PXDN: variants seen among roughly 807,000 people sequenced by gnomAD.
PXDN encodes the protein peroxidasin homolog.
In PXDN, 77 loss-of-function variants were observed where a neutral mutation model predicts 140.3. The observed-to-expected ratio is 0.55, with a 90% CI of 0.46 to 0.66. The LOEUF (loss-of-function observed/expected upper bound fraction) is 0.66. PXDN is among the 30% of genes least tolerant of loss of function. PXDN has a pLI of 0.00. For synonymous variants in PXDN, 911 were observed against 857.4 expected, an observed-to-expected ratio of 1.06 and a Z score of -1.09; for missense variants, 1,838 against 2,039.5, an observed-to-expected ratio of 0.90 and a Z score of 1.90.
chr2:1,696,365 C>T (rs747282593), intron 1 of PXDN, among the ~76,000 whole-genome samples: 1 of 151,896 alleles, frequency 6.6e-6, no homozygotes, highest in Admixed American at 6.6e-5. Context: ...AGGCAGAGCA[C>T]CAAAAAAGAC....
intron 1 of PXDN, among the ~76,000 whole-genome samples, chr2:1,719,455 C>A (rs1232432710): frequency 6.6e-6 from 1 of 152,196 alleles, no homozygotes; most frequent in Admixed American, 6.5e-5. Context: ...TAAGAGGGGA[C>A]ACTGGCCTTG....
chr2:1,733,152 C>G (rs1201699011), intron 1 of PXDN, among the ~76,000 whole-genome samples: 1 of 151,992 alleles, frequency 6.6e-6, no homozygotes, highest in Non-Finnish European at 1.5e-5. Context: ...AAGATGGGGA[C>G]AGAAAACATA....
chr2:1,715,261 G>A (rs978650661), intron 1 of PXDN, among the ~76,000 whole-genome samples: 5 of 152,198 alleles, frequency 3.3e-5, no homozygotes, highest in African/African-American at 7.2e-5. Context: ...GGAAAGAGCC[G>A]ACGGTCATCT....
At chr2:1,681,086 G>A (rs756839166) in intron 6 of PXDN, among the ~76,000 whole-genome samples, 1 of 152,152 alleles carries the variant, frequency 6.6e-6, no homozygotes, top group Non-Finnish European at 1.5e-5. Flanking sequence ...GGAAGAGGCT[G>A]GCAGCTGGAT....
chr2:1,715,151 C>T (rs1377750476), intron 1 of PXDN, among the ~76,000 whole-genome samples: 1 of 152,104 alleles, frequency 6.6e-6, no homozygotes, highest in African/African-American at 2.4e-5. Flanking sequence ...AAAACTTGGC[C>T]AGTTTTGCGT....
Position 1,649,092 on chromosome 2 carries a change from G to C in PXDN, c.2688C>G (p.Ser896=), listed in dbSNP as rs747948602. Residue 896 remains serine, a synonymous_variant, in exon 17 of 23, where the codon TCC becomes TCG. Transcript: ENST00000252804. This position sits in a 1 kb window ranked among gnomAD's most constrained non-coding sequence, Gnocchi z 7.1. ...GSGMTSLLMN[S]VYPREQINQL... ...GGTTGATCTGCTCCCGCGGGTACACGGAGTTCATGAGCAGCGAAGTCATGC... is the reference window on the plus strand; with the variant it reads ...GGTTGATCTGCTCCCGCGGGTACACCGAGTTCATGAGCAGCGAAGTCATGC... 6.2e-7 allele frequency: 1 copy of C among 1,612,748 alleles called. No individual in the cohort carries two copies. Among genetic ancestry groups the C allele is most frequent in the Non-Finnish European group, 8.5e-7 (1 of 1,179,850 alleles).
At position 1,744,417 on chromosome 2, in the gene PXDN, C is replaced by T; in HGVS notation, c.39G>A (p.Leu13=). 5.3e-6 allele frequency: 8 copies of T among 1,507,916 alleles called. No individual in the cohort carries two copies. Among genetic ancestry groups the T allele is most frequent in the Non-Finnish European group, 7.0e-6 (8 of 1,135,520 alleles). 93.4% of individuals were successfully genotyped at this position (1,507,916 alleles called of 1,614,324 possible). A position where few individuals can be genotyped will look rare whatever the true frequency, so the allele number is the denominator to read the frequency against. The change falls in exon 1 of 23, where the codon CTG becomes CTA. Residue 13 remains leucine, a synonymous_variant. Coordinates refer to ENST00000252804, the MANE Select transcript of PXDN (RefSeq NM_012293.3). ...KRSRGPGRRC[L]LALVLFCAWG... is the part of the protein sequence containing the mutation. Reference sequence around the variant, plus strand: ...AGGCGCAGAACAGCACGAGCGCCAACAGGCAGCGGCGCCCGGGGCCCCTGG... The same window carrying T: ...AGGCGCAGAACAGCACGAGCGCCAATAGGCAGCGGCGCCCGGGGCCCCTGG...
At chr2:1,663,869 C>G in intron 11 of PXDN, 106 bp from the exon 12 acceptor site, 1 of 1,451,100 alleles carries the variant, frequency 6.9e-7, no homozygotes, top group South Asian at 1.3e-5. Flanking sequence ...TGGGTCGGGG[C>G]GCCGGATAAT....
intron 7 of PXDN, among the ~76,000 whole-genome samples, chr2:1,678,014 T>C (rs1322893301): frequency 1.3e-5 from 2 of 152,168 alleles, no homozygotes; most frequent in East Asian, 3.9e-4. Flanking sequence ...AACTTGGGGC[T>C]GTCAGCAAGG....
chr2:1,687,679 C>A lies in PXDN; in HGVS notation c.369G>T (p.Gln123His), dbSNP rs775716240. ...CCTTAAATGCTTGCCTGTCAATTGA[C>A]TGGATCTCATTCTTGTACAGATAGC... Reference protein sequence around the residue: ...KYLYLYKNEIQSIDRQAFKGL... With the variant: ...KYLYLYKNEIHSIDRQAFKGL... The change falls in exon 4 of 23, where the codon CAG (glutamine) becomes CAT (histidine). Residue 123 changes from glutamine (Q) to histidine (H), a missense_variant. Physicochemically the swap from Gln to His is conservative, Grantham distance 24. Around this residue, in one of 5 missense-constraint regions of PXDN, gnomAD observed 231 missense variants for 201.5 expected, o/e 1.15. Coordinates refer to ENST00000252804, the MANE Select transcript of PXDN (RefSeq NM_012293.3). The surrounding 1 kb of genome is among the most constrained non-coding windows in gnomAD (Gnocchi z 4.0). 1 of 1,532,302 alleles carries A rather than the reference C, an allele frequency of 6.5e-7. No individual in the cohort carries two copies. The highest frequency in any genetic ancestry group is 1.7e-5 in the Admixed American group (1 of 59,254). The allele number at this position is 1,532,302 out of a possible 1,614,324, so 94.9% of individuals were successfully genotyped here. A position where few individuals can be genotyped will look rare whatever the true frequency, so the allele number is the denominator to read the frequency against.
intron 19 of PXDN, among the ~76,000 whole-genome samples, chr2:1,641,131 C>T (rs776801443): frequency 6.6e-5 from 10 of 152,318 alleles, no homozygotes; most frequent in South Asian, 4.1e-4. Context: ...AGCTCAAGGA[C>T]GTTCGCTTTA....
intron 1 of PXDN, among the ~76,000 whole-genome samples, chr2:1,693,416 G>A (rs557573747): frequency 1.3e-5 from 2 of 152,300 alleles, no homozygotes; most frequent in African/African-American, 2.4e-5. Context: ...GCAACCCACT[G>A]GAAAATGTCG....
At chr2:1,719,706 A>G (rs1217420019) in intron 1 of PXDN, among the ~76,000 whole-genome samples, 1 of 152,240 alleles carries the variant, frequency 6.6e-6, no homozygotes, top group Non-Finnish European at 1.5e-5. Context: ...GTCCTGGGTC[A>G]GGCGCCCACC....
At chr2:1,726,275 A>G (rs1228620389) in intron 1 of PXDN, among the ~76,000 whole-genome samples, 2 of 150,152 alleles carry the variant, frequency 1.3e-5, no homozygotes, top group African/African-American at 2.5e-5. Context: ...CATGTCCTTT[A>G]TAGGGACATG....
intron 1 of PXDN, among the ~76,000 whole-genome samples, chr2:1,735,265 C>G (rs1027179703): frequency 6.6e-6 from 1 of 152,136 alleles, no homozygotes. Context: ...TGTTTTGACC[C>G]CCCCATGAAT....
At chr2:1,735,082 A>G (rs988695795) in intron 1 of PXDN, among the ~76,000 whole-genome samples, 1 of 152,174 alleles carries the variant, frequency 6.6e-6, no homozygotes, top group Non-Finnish European at 1.5e-5. Context: ...CCTCTGTTCT[A>G]GTTTATCATG....
At chr2:1,636,065 A>G in intron 21 of PXDN, 1 of 227,446 alleles carries the variant, frequency 4.4e-6, no homozygotes, top group East Asian at 1.2e-4. Context: ...GTGGCCGGAA[A>G]TGCCTGGGCC....
intron 1 of PXDN, among the ~76,000 whole-genome samples, chr2:1,730,884 C>CTTAA (rs1326412479): frequency 6.6e-6 from 1 of 152,032 alleles, no homozygotes; most frequent in Non-Finnish European, 1.5e-5. Flanking sequence ...TCACACTGGG[C>CTTAA]CATGATGCAT....
At chr2:1,736,637 A>G (rs964055709) in intron 1 of PXDN, among the ~76,000 whole-genome samples, 2 of 152,062 alleles carry the variant, frequency 1.3e-5, no homozygotes, top group East Asian at 3.9e-4. Flanking sequence ...CTGGGCAAAT[A>G]GCAAGACTCC....
Sources: gnomAD v4.1 joint callset for allele counts (sites outside exome capture counted in the v4.1 genomes callset) on GRCh38, gnomAD v4.1.1 for gene constraint, gnomAD v4.1.1 regional missense constraint, Gnocchi (gnomAD v3.1) non-coding constraint, MANE v1.5 for transcripts, NCBI Gene and HGNC (gene_info 2026-07-23, HGNC 2026-07-21) for gene names.